SRC: variants seen among roughly 807,000 people sequenced by gnomAD.
SRC encodes the protein proto-oncogene tyrosine-protein kinase Src.
Under a neutral mutation model 62.9 loss-of-function variants are expected in SRC, and 13 were observed. The observed-to-expected ratio is 0.21, with a 90% confidence interval of 0.13 to 0.33. SRC has a LOEUF of 0.33. Among genes scored for constraint, SRC ranks in the 10% least tolerant of loss-of-function variants. SRC has a pLI of 1.00. For missense variants in SRC, 457 were observed against 737.3 expected (o/e 0.62, Z 4.40); for synonymous variants, 302 against 317.5 (o/e 0.95, Z 0.52).
chr20:37,386,171 A>G lies in SRC; in HGVS notation c.347A>G (p.Asn116Ser), dbSNP rs1159660243. ...KKGERLQIVN[N>S]TEGDWWLAHS... ...GGCGAGCGGCTCCAGATTGTCAACAACACGTGAGTGCCCCCTTCCCTATTG... is the reference window on the plus strand; with the variant it reads ...GGCGAGCGGCTCCAGATTGTCAACAGCACGTGAGTGCCCCCTTCCCTATTG... The change falls in exon 5 of 14, where the codon AAC becomes AGC. Residue 116 changes from asparagine to serine, a missense_variant. This residue lies in a region of SRC where 16 missense variants were observed against 45.7 expected (regional missense o/e 0.35). Transcript: ENST00000373578. The G allele has an allele frequency of 3.1e-6, 5 of 1,614,118 alleles. No homozygotes were observed. Among genetic ancestry groups the G allele is most frequent in the Non-Finnish European group, 4.2e-6 (5 of 1,179,960 alleles).
intron 2 of SRC, among the ~76,000 whole-genome samples, chr20:37,378,718 G>A (rs1461194133): frequency 6.6e-6 from 1 of 152,156 alleles, no homozygotes; most frequent in Non-Finnish European, 1.5e-5. Flanking sequence ...TTAAGCGGAG[G>A]AGGCCCAGTT....
Position 37,402,418 on chromosome 20 carries a change from CA to C in SRC, c.1117-16del. On this transcript the variant is annotated splice_polypyrimidine_tract_variant and intron_variant, in intron 11 of 13. Transcript: ENST00000373578. This position sits in a 1 kb window ranked among gnomAD's most constrained non-coding sequence, Gnocchi z 6.2. Reference sequence around the variant, plus strand: ...ATGGGTGGCACCTGAGCCAGGCTCCCACGGTTCCGCCTGCAGATCGCCTCAG... The same window carrying C: ...ATGGGTGGCACCTGAGCCAGGCTCCCCGGTTCCGCCTGCAGATCGCCTCAG... The C allele has an allele frequency of 6.2e-7, 1 of 1,608,068 alleles. No homozygotes were observed. The highest frequency in any genetic ancestry group is 8.5e-7 in the Non-Finnish European group (1 of 1,176,278).
At position 37,386,403 on chromosome 20, in the gene SRC, C is replaced by T. The variant is rs896393922; in HGVS notation, c.350+229C>T. 1.1e-5 allele frequency: 8 copies of T among 718,252 alleles called. 1 individual carries two copies. In the East Asian group the frequency reaches 1.9e-4, roughly 17 times the overall value. The allele number at this position is 718,252 out of a possible 1,614,324, so 44.5% of individuals were successfully genotyped here. A position where few individuals can be genotyped will look rare whatever the true frequency, so the allele number is the denominator to read the frequency against. On this transcript the variant is annotated intron_variant, in intron 5 of 13. Transcript: ENST00000373578. ...TCCCAATCCCTGGCTCTCGCTTGCT[C>T]CCTCCAGCCCTCTCTCAGCTTCTCC...
intron 5 of SRC, among the ~76,000 whole-genome samples, chr20:37,387,448 C>T (rs1477489238): frequency 6.6e-6 from 1 of 151,762 alleles, no homozygotes; most frequent in East Asian, 1.9e-4. Flanking sequence ...AACTGAGGCT[C>T]AGCGATGTGA....
chr20:37,373,589 C>T (rs776184624), intron 2 of SRC, among the ~76,000 whole-genome samples: 2 of 152,172 alleles, frequency 1.3e-5, no homozygotes, highest in African/African-American at 2.4e-5. Context: ...GGATTACAGG[C>T]GTAAGCCACC....
chr20:37,391,957 G>T (rs529399826), intron 5 of SRC, among the ~76,000 whole-genome samples: 2 of 152,198 alleles, frequency 1.3e-5, no homozygotes, highest in African/African-American at 4.8e-5. Flanking sequence ...TTCATCTGGG[G>T]CCTGGAGCCC....
At chr20:37,363,038 A>G (rs2070000682) in intron 1 of SRC, among the ~76,000 whole-genome samples, 2 of 151,136 alleles carry the variant, frequency 1.3e-5, no homozygotes, top group African/African-American at 4.8e-5. Context: ...TCTCTTCACA[A>G]ACCGCCTAGC....
At chr20:37,345,881 G>C (rs2146865790), upstream of SRC, among the ~76,000 whole-genome samples, 1 of 152,260 alleles carries the variant, frequency 6.6e-6, no homozygotes, top group African/African-American at 2.4e-5. Flanking sequence ...CCCTGGCGGA[G>C]TGGGAGGCGG....
At chr20:37,349,579 G>T (rs1782694897) in intron 1 of SRC, among the ~76,000 whole-genome samples, 1 of 152,194 alleles carries the variant, frequency 6.6e-6, no homozygotes, top group African/African-American at 2.4e-5. Context: ...CCAGTGTCTG[G>T]CACCGGTAGG....
rs1884495679 is a variant in SRC, at chr20:37,403,597, G to A, written c.*218G>A. The A allele has an allele frequency of 1.7e-6, 1 of 589,644 alleles. No individual in the cohort carries two copies. Among genetic ancestry groups the A allele is most frequent in the African/African-American group, 1.9e-5 (1 of 53,788 alleles). The allele number at this position is 589,644 out of a possible 1,614,324, so 36.5% of individuals were successfully genotyped here. A position where few individuals can be genotyped will look rare whatever the true frequency, so the allele number is the denominator to read the frequency against. ...TATGCGAGACCAGCACGGTGACTCTGTCCAGCTCCCGCTGTGGCCGCACGC... is the reference window on the plus strand; with the variant it reads ...TATGCGAGACCAGCACGGTGACTCTATCCAGCTCCCGCTGTGGCCGCACGC... On this transcript the variant is annotated 3_prime_UTR_variant, in exon 14 of 14. Coordinates refer to ENST00000373578, the MANE Select transcript of SRC (RefSeq NM_198291.3). This position sits in a 1 kb window ranked among gnomAD's most constrained non-coding sequence, Gnocchi z 7.1.
intron 2 of SRC, among the ~76,000 whole-genome samples, chr20:37,380,876 ATCT>A (rs1283870582): frequency 7.3e-5 from 11 of 151,496 alleles, no homozygotes; most frequent in Non-Finnish European, 1.5e-4. Flanking sequence ...TTTTTTTTTA[ATCT>A]TCTTGTAGTT....
At chr20:37,359,926 A>C (rs189060391) in intron 1 of SRC, among the ~76,000 whole-genome samples, 8 of 151,756 alleles carry the variant, frequency 5.3e-5, no homozygotes, top group African/African-American at 1.9e-4. Flanking sequence ...TGCATCATTT[A>C]AGTTAATCTT....
chr20:37,403,737 A>C lies in SRC; in HGVS notation c.*358A>C. On this transcript the variant is annotated 3_prime_UTR_variant, in exon 14 of 14. Coordinates refer to ENST00000373578, the MANE Select transcript of SRC (RefSeq NM_198291.3). This position sits in a 1 kb window ranked among gnomAD's most constrained non-coding sequence, Gnocchi z 7.1. The stretch of plus-strand genomic sequence containing the variant: ...CAGCCTCAGCCTACTCCGCTCACTG[A>C]ACTCCTTCCCCACTTCTGTGCCACC... The C allele has an allele frequency of 3.0e-6, 1 of 332,820 alleles. No individual in the cohort carries two copies. Among genetic ancestry groups the C allele is most frequent in the Non-Finnish European group, 5.6e-6 (1 of 177,548 alleles). 20.6% of individuals were successfully genotyped at this position (332,820 alleles called of 1,614,324 possible).
At chr20:37,399,471 A>T (rs914870626) in intron 9 of SRC, among the ~76,000 whole-genome samples, 5 of 152,092 alleles carry the variant, frequency 3.3e-5, no homozygotes, top group Non-Finnish European at 7.4e-5. Flanking sequence ...AGGGAACATG[A>T]CTAACCCAGA....
chr20:37,362,795 C>T (rs1471299500), intron 1 of SRC, among the ~76,000 whole-genome samples: 2 of 152,160 alleles, frequency 1.3e-5, no homozygotes, highest in Non-Finnish European at 2.9e-5. Flanking sequence ...ATGCTGTCTC[C>T]TTCTCAGTGA....
At chr20:37,401,515 AGCCACCTGG>A in intron 10 of SRC, 78 bp from the exon 11 acceptor site, 1 of 1,036,606 alleles carries the variant, frequency 9.6e-7, no homozygotes, top group Admixed American at 2.1e-5. Context: ...AAGCAAGGCC[AGCCACCTGG>A]GAGGATGGGT....
chr20:37,399,295 A>G (rs1360874429), intron 9 of SRC, among the ~76,000 whole-genome samples: 1 of 152,160 alleles, frequency 6.6e-6, no homozygotes, highest in Non-Finnish European at 1.5e-5. Context: ...CCAAGCCCTC[A>G]TGCTTAGGAC....
At chr20:37,375,918 A>G (rs1383773955) in intron 2 of SRC, among the ~76,000 whole-genome samples, 1 of 152,242 alleles carries the variant, frequency 6.6e-6, no homozygotes, top group Non-Finnish European at 1.5e-5. Context: ...GTGTCCTCAC[A>G]TGGCAGAGAG....
chr20:37,375,656 T>C (rs1346441552), intron 2 of SRC, among the ~76,000 whole-genome samples: 1 of 152,150 alleles, frequency 6.6e-6, no homozygotes, highest in African/African-American at 2.4e-5. Flanking sequence ...ATTACAGGTG[T>C]GAGCCACCAC....
Sources: allele counts gnomAD v4.1 joint callset (sites outside exome capture counted in the v4.1 genomes callset), GRCh38; gene constraint gnomAD v4.1.1; regional missense constraint gnomAD v4.1.1; non-coding constraint Gnocchi (gnomAD v3.1); transcripts MANE v1.5; gene names NCBI Gene and HGNC (gene_info 2026-07-23, HGNC 2026-07-21).